Variants in NLRP11 observed in about 807,000 individuals in gnomAD.
The protein encoded by NLRP11 is NLR family pyrin domain containing 11.
In NLRP11, 53 loss-of-function variants were observed where a neutral mutation model predicts 79.3. That is an observed-to-expected ratio of 0.67 (90% CI 0.54 to 0.84). The LOEUF (loss-of-function observed/expected upper bound fraction) is 0.84, where lower values mean the gene tolerates loss of function less well. Ranked by LOEUF, NLRP11 falls within the 40% of genes least tolerant of loss-of-function variation. NLRP11 has a pLI of 0.00. For synonymous variants in NLRP11, 518 were observed against 462.6 expected, an observed-to-expected ratio of 1.12 and a Z score of -1.54; for missense variants, 1,264 against 1,255.0, an observed-to-expected ratio of 1.01 and a Z score of -0.11.
At position 55,789,827 on chromosome 19, in the gene NLRP11, A is replaced by G. The variant is rs150314451; in HGVS notation, c.2514-428T>C. On this transcript the variant is annotated intron_variant, in intron 7 of 9. Coordinates refer to ENST00000589093, the Ensembl canonical transcript of NLRP11. The stretch of plus-strand genomic sequence containing the variant: ...GAGAAGGGCTAAATACATTCTTTCT[A>G]TAAAGAGGATTTTACCAAATGGTCC... 1.6e-4 allele frequency among the ~76,000 whole-genome samples: 25 copies of G among 152,326 alleles called. 1 individual carries two copies. In the East Asian group the frequency reaches 3.5e-3, roughly 21 times the overall value.
exon 10 of NLRP11, chr19:55,785,576 C>T (rs746984911): frequency 1.3e-6 from 2 of 1,543,856 alleles, no homozygotes; most frequent in South Asian, 2.5e-5. Context: ...TCTCTTGCAT[C>T]CCAGTCACGG....
intron 1 of NLRP11, among the ~76,000 whole-genome samples, chr19:55,830,678 T>C (rs1982669209): frequency 6.6e-6 from 1 of 151,926 alleles, no homozygotes; most frequent in Non-Finnish European, 1.5e-5. Flanking sequence ...ATACTTTTTT[T>C]ACACCAACCT....
chr19:55,792,718 A>G (rs1158442692), intron 6 of NLRP11, among the ~76,000 whole-genome samples: 1 of 152,252 alleles, frequency 6.6e-6, no homozygotes, highest in African/African-American at 2.4e-5. Context: ...TACTAACGGA[A>G]TAATCTTATA....
At chr19:55,835,191 C>T (rs58016343), upstream of NLRP11, among the ~76,000 whole-genome samples, 120 of 152,292 alleles carry the variant, frequency 7.9e-4, no homozygotes, top group East Asian at 0.013. Flanking sequence ...TAACACTGAA[C>T]TCAGGATTCT....
chr19:55,800,307 C>T (rs797009401), intron 5 of NLRP11, among the ~76,000 whole-genome samples: 1 of 152,108 alleles, frequency 6.6e-6, no homozygotes, highest in African/African-American at 2.4e-5. Flanking sequence ...ATTTATTATT[C>T]ATTTATTTAT....
chr19:55,814,629 C>T lies in NLRP11; in HGVS notation c.271+3275G>A, dbSNP rs1435188527. On this transcript the variant is annotated intron_variant, in intron 2 of 9. Coordinates refer to ENST00000589093, the Ensembl canonical transcript of NLRP11. ...GAAGAAAACACTCAAGGAAGGAAAA[C>T]AAGTTTACCACCATGTCAAGGTACT... Among the ~76,000 whole-genome samples, 6 of 152,094 alleles carry T rather than the reference C, an allele frequency of 3.9e-5. No homozygotes were observed. In the East Asian group the frequency reaches 1.2e-3, roughly 29 times the overall value.
intron 5 of NLRP11, 23 bp from the exon 6 acceptor site, chr19:55,796,273 A>G (rs1478415175): frequency 1.3e-6 from 2 of 1,599,460 alleles, no homozygotes; most frequent in Non-Finnish European, 1.7e-6. Context: ...TTCAGAAATG[A>G]AAAGAGGCTC....
At chr19:55,816,069 A>T (rs1981082103) in intron 2 of NLRP11, among the ~76,000 whole-genome samples, 1 of 152,228 alleles carries the variant, frequency 6.6e-6, no homozygotes, top group African/African-American at 2.4e-5. Context: ...TACGAGTTTA[A>T]CCAAGTAAAT....
Position 55,788,918 on chromosome 19 carries a change from G to A in NLRP11, c.2744C>T (p.Thr915Ile), listed in dbSNP as rs199475862. 4 of 1,613,894 alleles carry A rather than the reference G, an allele frequency of 2.5e-6. No individual in the cohort carries two copies. The African/African-American group carries it at 5.3e-5, about 22-fold the overall frequency. ...GTTGAGTCTTTCTAGTGTTTTGTTG[G>A]TGGTAAGAACAGAGGCAAGAGATCG... The change falls in exon 9 of 10, where the codon ACC becomes ATC. Residue 915 changes from threonine (T) to isoleucine (I), a missense_variant. Physicochemically the swap from Thr to Ile is moderately conservative, Grantham distance 89. Coordinates refer to ENST00000589093, the Ensembl canonical transcript of NLRP11.
chr19:55,789,463 T>C (rs1990108447), intron 7 of NLRP11, 64 bp from the exon 8 acceptor site: 1 of 1,460,486 alleles, frequency 6.8e-7, no homozygotes, highest in Non-Finnish European at 9.4e-7. Context: ...TTTCACAGAG[T>C]GTTAAGCATT....
intron 5 of NLRP11, among the ~76,000 whole-genome samples, chr19:55,797,377 T>C: frequency 6.6e-6 from 1 of 152,240 alleles, no homozygotes; most frequent in African/African-American, 2.4e-5. Flanking sequence ...TGTCTCACTT[T>C]CTTCAACTTG....
chr19:55,830,683 C>T (rs1982670105), intron 1 of NLRP11, among the ~76,000 whole-genome samples: 1 of 150,802 alleles, frequency 6.6e-6, no homozygotes, highest in South Asian at 2.1e-4. Flanking sequence ...TTTTTTACAC[C>T]AACCTTTTGT....
intron 7 of NLRP11, among the ~76,000 whole-genome samples, chr19:55,789,687 T>C (rs1474412201): frequency 1.3e-5 from 2 of 152,222 alleles, no homozygotes; most frequent in African/African-American, 4.8e-5. Context: ...GGAAGCCACA[T>C]ACATTCAACC....
intron 4 of NLRP11, among the ~76,000 whole-genome samples, chr19:55,804,134 G>T (rs1160453001): frequency 6.6e-6 from 1 of 152,160 alleles, no homozygotes; most frequent in Non-Finnish European, 1.5e-5. Context: ...AAATAAAACA[G>T]ATGCTGGCAA....
At chr19:55,789,501 A>G in intron 7 of NLRP11, 102 bp from the exon 8 acceptor site, 1 of 1,022,420 alleles carries the variant, frequency 9.8e-7, no homozygotes. Context: ...ACATTCATGA[A>G]TAAGGGACTG....
intron 1 of NLRP11, among the ~76,000 whole-genome samples, chr19:55,818,567 A>C (rs1430119510): frequency 6.6e-6 from 1 of 152,226 alleles, no homozygotes; most frequent in Non-Finnish European, 1.5e-5. Context: ...TGTCAACCCT[A>C]TGCAGATTGG....
chr19:55,808,841 T>C, exon 3 of NLRP11: 1 of 1,613,998 alleles, frequency 6.2e-7, no homozygotes, highest in Non-Finnish European at 8.5e-7. Context: ...TGTCCTCAGG[T>C]GACAGCAGTA....
At chr19:55,810,280 A>T (rs1303056166) in exon 3 of NLRP11, 2 of 1,613,876 alleles carry the variant, frequency 1.2e-6, no homozygotes, top group Non-Finnish European at 1.7e-6. Flanking sequence ...CAAAAGTGTG[A>T]CTTTCCCATT....
At chr19:55,788,812 T>C (rs765923348) in exon 9 of NLRP11, 3 of 1,235,114 alleles carry the variant, frequency 2.4e-6, no homozygotes, top group Non-Finnish European at 1.1e-6. Context: ...CTTACCCAAC[T>C]ACCTTAAGTA....
Sources: gnomAD v4.1 joint callset for allele counts (sites outside exome capture counted in the v4.1 genomes callset) on GRCh38, gnomAD v4.1.1 for gene constraint, MANE v1.5 for transcripts, NCBI Gene and HGNC (gene_info 2026-07-23, HGNC 2026-07-21) for gene names.